NR6A1: variants seen among roughly 807,000 people sequenced by gnomAD.
NR6A1 encodes retinoic acid receptor-related testis-associated receptor.
Under a neutral mutation model 59.1 loss-of-function variants are expected in NR6A1, and 7 were observed. The ratio of observed to expected loss-of-function variants is 0.12; its 90% CI spans 0.07 to 0.22. The LOEUF is 0.22. Among genes scored for constraint, NR6A1 ranks in the 10% least tolerant of loss-of-function variants. The pLI is 1.00. For missense variants in NR6A1, 468 were observed against 611.6 expected, an observed-to-expected ratio of 0.77 and a Z score of 2.48; for synonymous variants, 243 against 236.1, an observed-to-expected ratio of 1.03 and a Z score of -0.27.
intron 2 of NR6A1, among the ~76,000 whole-genome samples, chr9:124,644,268 C>CT (rs1388547775): frequency 3.9e-4 from 9 of 23,056 alleles, no homozygotes; most frequent in South Asian, 4.0e-3. Flanking sequence ...AAGATTAAGT[C>CT]TTCTTTTTTT....
intron 2 of NR6A1, among the ~76,000 whole-genome samples, chr9:124,623,521 G>C (rs1163252948): frequency 1.4e-5 from 2 of 147,116 alleles, no homozygotes; most frequent in Admixed American, 6.6e-5. Flanking sequence ...TACCATGCCT[G>C]GCTAATTTTT....
At chr9:124,641,802 T>C (rs919320275) in intron 2 of NR6A1, among the ~76,000 whole-genome samples, 2 of 152,222 alleles carry the variant, frequency 1.3e-5, no homozygotes, top group African/African-American at 4.8e-5. Context: ...CTACGCTCTA[T>C]ATGCAGTAAA....
intron 2 of NR6A1, among the ~76,000 whole-genome samples, chr9:124,649,095 C>T (rs1417783996): frequency 6.6e-6 from 1 of 151,680 alleles, no homozygotes; most frequent in African/African-American, 2.4e-5. Context: ...ATAGAAAAAT[C>T]CTAAAATTCA....
At chr9:124,597,799 G>A (rs1835320545) in intron 2 of NR6A1, among the ~76,000 whole-genome samples, 3 of 152,174 alleles carry the variant, frequency 2.0e-5, no homozygotes, top group African/African-American at 7.2e-5. Context: ...AAGATGAACA[G>A]ACACCACACT....
intron 4 of NR6A1, among the ~76,000 whole-genome samples, chr9:124,541,728 C>A (rs951422705): frequency 6.6e-6 from 1 of 152,240 alleles, no homozygotes; most frequent in Non-Finnish European, 1.5e-5. Flanking sequence ...GATATCTGCA[C>A]TCCCACGTTC....
chr9:124,622,896 A>T (rs909670261), intron 2 of NR6A1, among the ~76,000 whole-genome samples: 18 of 152,178 alleles, frequency 1.2e-4, no homozygotes, highest in Non-Finnish European at 2.5e-4. Context: ...GATTTTGCAG[A>T]GAGAAATGGA....
chr9:124,527,363 C>CA (rs938778529), intron 7 of NR6A1, among the ~76,000 whole-genome samples: 1 of 152,112 alleles, frequency 6.6e-6, no homozygotes, highest in Non-Finnish European at 1.5e-5. Context: ...TGCCACACTG[C>CA]AAAAAAAGCT....
chr9:124,645,960 G>C (rs1421042903), intron 2 of NR6A1, among the ~76,000 whole-genome samples: 1 of 152,132 alleles, frequency 6.6e-6, no homozygotes, highest in Non-Finnish European at 1.5e-5. Context: ...TAGCATAACA[G>C]AAAGATATCT....
At chr9:124,568,212 G>A (rs150875200) in intron 2 of NR6A1, among the ~76,000 whole-genome samples, 3,379 of 148,026 alleles carry the variant, frequency 0.023, 104 homozygotes, top group East Asian at 0.081. Flanking sequence ...GAGGCTGGGC[G>A]TGGTGGCTCA....
intron 2 of NR6A1, among the ~76,000 whole-genome samples, chr9:124,626,383 G>T (rs1480888866): frequency 6.6e-6 from 1 of 152,100 alleles, no homozygotes; most frequent in African/African-American, 2.4e-5. Context: ...CATCCATCCA[G>T]CCAGCCAGCC....
At chr9:124,708,587 C>T (rs1839196191) in intron 2 of NR6A1, among the ~76,000 whole-genome samples, 1 of 152,182 alleles carries the variant, frequency 6.6e-6, no homozygotes, top group Admixed American at 6.5e-5. Context: ...ATAAACTCAT[C>T]TTGGGATTAT....
intron 2 of NR6A1, among the ~76,000 whole-genome samples, chr9:124,625,781 G>T (rs1246639897): frequency 6.6e-6 from 1 of 152,116 alleles, no homozygotes; most frequent in Non-Finnish European, 1.5e-5. Flanking sequence ...AAAGCAGATT[G>T]CCCTCCATAA....
chr9:124,546,388 T>C (rs1833601969), intron 3 of NR6A1, among the ~76,000 whole-genome samples: 1 of 152,206 alleles, frequency 6.6e-6, no homozygotes, highest in South Asian at 2.1e-4. Flanking sequence ...GTATGCATCC[T>C]AGTGGAGAAA....
intron 6 of NR6A1, 45 bp from the exon 7 acceptor site, chr9:124,536,177 G>A (rs578215893): frequency 2.7e-5 from 43 of 1,589,984 alleles, no homozygotes; most frequent in Non-Finnish European, 3.7e-5. Context: ...TGGTCAGAGG[G>A]TGAGGATAAG....
intron 2 of NR6A1, among the ~76,000 whole-genome samples, chr9:124,613,222 T>A (rs1224658103): frequency 6.6e-6 from 1 of 151,796 alleles, no homozygotes; most frequent in African/African-American, 2.4e-5. Flanking sequence ...TGTAGTCCCA[T>A]CTATTTGGGA....
intron 2 of NR6A1, among the ~76,000 whole-genome samples, chr9:124,727,535 A>G (rs1461877104): frequency 1.3e-5 from 2 of 152,232 alleles, no homozygotes; most frequent in African/African-American, 4.8e-5. Context: ...TGGACAAAGT[A>G]TAACCAAATT....
chr9:124,729,889 C>T (rs1023075439), intron 2 of NR6A1, among the ~76,000 whole-genome samples: 3 of 151,684 alleles, frequency 2.0e-5, no homozygotes, highest in Admixed American at 1.3e-4. Flanking sequence ...CTCGGCTTAC[C>T]GCAACCTCCA....
intron 2 of NR6A1, among the ~76,000 whole-genome samples, chr9:124,688,886 G>C (rs1333170891): frequency 6.6e-6 from 1 of 152,130 alleles, no homozygotes; most frequent in Non-Finnish European, 1.5e-5. Context: ...ATTAGATAGG[G>C]AGAGTTTTAA....
At chr9:124,636,128 T>C (rs1836603973) in intron 2 of NR6A1, among the ~76,000 whole-genome samples, 2 of 152,250 alleles carry the variant, frequency 1.3e-5, no homozygotes, top group African/African-American at 4.8e-5. Flanking sequence ...TCTTTTCTTA[T>C]GCTTTTTCAC....
Sources: allele counts gnomAD v4.1 joint callset (sites outside exome capture counted in the v4.1 genomes callset), GRCh38; gene constraint gnomAD v4.1.1; transcripts MANE v1.5; gene names NCBI Gene and HGNC (gene_info 2026-07-23, HGNC 2026-07-21).